Variants in C1orf52 observed in about 807,000 individuals in gnomAD.
C1orf52 encodes the protein UPF0690 protein C1orf52.
Under a neutral mutation model 17.2 loss-of-function variants are expected in C1orf52, and 5 were observed. The ratio of observed to expected loss-of-function variants is 0.29; its 90% confidence interval spans 0.15 to 0.61. The LOEUF is 0.61. Ranked by LOEUF, C1orf52 falls within the 20% of genes least tolerant of loss-of-function variation. The pLI, the probability that C1orf52 is intolerant of heterozygous loss-of-function variation, is 0.85. For synonymous variants in C1orf52, 110 were observed against 88.0 expected, an observed-to-expected ratio of 1.25 and a Z score of -1.40; for missense variants, 245 against 234.1, an observed-to-expected ratio of 1.05 and a Z score of -0.30.
chr1:85,258,776 G>A (rs1285795983), intron 1 of C1orf52, 54 bp from the exon 2 acceptor site: 2 of 1,494,564 alleles, frequency 1.3e-6, no homozygotes, highest in Admixed American at 4.3e-5. Flanking sequence ...TCCTACGATG[G>A]ACGTGGGCAC....
In C1orf52 at chr1:85,256,473, A is replaced by C. The variant is rs551539514; in HGVS notation, c.475+2051T>G. Among the ~76,000 whole-genome samples the C allele has an allele frequency of 3.3e-5, 5 of 152,346 alleles. No individual in the cohort carries two copies. The South Asian group carries it at 8.3e-4, about 25-fold the overall frequency. Reference sequence around the variant, plus strand: ...TCTTATTTCACAAGGTGTTGTAATAAAGATTATTTAAGCAAATATATTTTT... The same window carrying C: ...TCTTATTTCACAAGGTGTTGTAATACAGATTATTTAAGCAAATATATTTTT... On this transcript the variant is annotated intron_variant, in intron 2 of 2. Transcript: ENST00000471115.
chr1:85,258,058 C>T (rs774238569), intron 2 of C1orf52, among the ~76,000 whole-genome samples: 1 of 150,778 alleles, frequency 6.6e-6, no homozygotes, highest in South Asian at 2.1e-4. Flanking sequence ...GGTGGAGGTT[C>T]GCAGTGAGCT....
Position 85,259,586 on chromosome 1 carries a change from C to T in C1orf52, c.48G>A (p.Gly16=), listed in dbSNP as rs1660039276. 1 of 1,597,804 alleles carries T rather than the reference C, an allele frequency of 6.3e-7. No homozygotes were observed. Among genetic ancestry groups the T allele is most frequent in the South Asian group, 1.1e-5 (1 of 88,868 alleles). Residue 16 remains glycine, a synonymous_variant, in exon 1 of 3, where the codon GGG becomes GGA. Transcript: ENST00000471115. The stretch of plus-strand genomic sequence containing the variant: ...CGTCCGAGGAGCCTGAGCTGCTGCT[C>T]CCGTATGCCGCAAAATAGCTCAGAG... ...KDPLSYFAAY[G]SSSSGSSDEE... is the part of the protein sequence containing the mutation.
chr1:85,251,831 G>C lies in C1orf52; in HGVS notation c.*798C>G, dbSNP rs1306387173. On this transcript the variant is annotated 3_prime_UTR_variant, in exon 3 of 3. Transcript: ENST00000471115. ...GGATCTCCAGGTACAACAGAAAAAA[G>C]TACCTGGAAGAGATGACAATTGATG... is the stretch of plus-strand genomic sequence containing the variant. 6.6e-6 allele frequency: 1 copy of C among 152,148 alleles called. No homozygotes were observed. The allele number at this position is 152,148 out of a possible 1,614,324, so 9.4% of individuals were successfully genotyped here.
rs1160548616 is a variant in C1orf52 at position 85,252,011 on chromosome 1, GA to G, written c.*617del. On this transcript the variant is annotated 3_prime_UTR_variant, in exon 3 of 3. Coordinates refer to ENST00000471115, the MANE Select transcript of C1orf52 (RefSeq NM_198077.4). ...TCAAGCACTCTTTATTATAAAATGA[GA>G]ATACTAATAATACCTTGCGCTAGGT... The G allele has an allele frequency of 9.2e-5, 14 of 152,162 alleles. No homozygotes were observed. Among genetic ancestry groups the G allele is most frequent in the African/African-American group, 3.4e-4 (14 of 41,424 alleles). 9.4% of individuals were successfully genotyped at this position (152,162 alleles called of 1,614,324 possible). A position where few individuals can be genotyped will look rare whatever the true frequency, so the allele number is the denominator to read the frequency against.
In C1orf52 at chr1:85,255,411, G is replaced by A. The variant is rs908029150; in HGVS notation, c.476-2709C>T. Among the ~76,000 whole-genome samples the A allele has an allele frequency of 1.4e-4, 22 of 152,180 alleles. No individual in the cohort carries two copies. The Middle Eastern group carries it at 0.01, about 71-fold the overall frequency. On this transcript the variant is annotated intron_variant, in intron 2 of 2. Coordinates refer to ENST00000471115, the MANE Select transcript of C1orf52 (RefSeq NM_198077.4). The stretch of plus-strand genomic sequence containing the variant: ...CTAAAAATACAAAAATTAGCTGGGC[G>A]TGGTGGCGTGTGCCTGTAGTCCCAG...
intron 2 of C1orf52, among the ~76,000 whole-genome samples, chr1:85,253,469 C>T (rs2100731347): frequency 6.6e-6 from 1 of 152,234 alleles, no homozygotes; most frequent in South Asian, 2.1e-4. Flanking sequence ...CCCCAAACCT[C>T]TATTTGGAAT....
At chr1:85,259,229 G>A in intron 1 of C1orf52, 129 bp downstream of exon 1, 4 of 1,258,754 alleles carry the variant, frequency 3.2e-6, no homozygotes, top group East Asian at 2.4e-5. Context: ...TGAGGTGGGA[G>A]GGGGTGGTGC....
At chr1:85,258,108 G>A (rs1224265037) in intron 2 of C1orf52, among the ~76,000 whole-genome samples, 6 of 144,040 alleles carry the variant, frequency 4.2e-5, no homozygotes, top group Non-Finnish European at 7.5e-5. Context: ...CAACAAGAGC[G>A]AAATGCTGTC....
intron 2 of C1orf52, among the ~76,000 whole-genome samples, chr1:85,256,022 T>C (rs1037973515): frequency 1.3e-5 from 2 of 152,352 alleles, no homozygotes; most frequent in South Asian, 2.1e-4. Flanking sequence ...ATCCTGGTTT[T>C]TTCCATATAA....
At chr1:85,257,530 G>C (rs1659973497) in intron 2 of C1orf52, 6 of 703,456 alleles carry the variant, frequency 8.5e-6, no homozygotes, top group South Asian at 6.2e-5. Flanking sequence ...TTAATACAAG[G>C]CCTTGACTTT....
In C1orf52 at chr1:85,259,640, T is replaced by A. The variant is rs1447134381; in HGVS notation, c.-7A>T. On this transcript the variant is annotated 5_prime_UTR_variant, in exon 1 of 3. Transcript: ENST00000471115. The stretch of plus-strand genomic sequence containing the variant: ...CCTTCTCCTCCGCTGCCATGACGGC[T>A]GCGAGCGACAACCCAGCACTCCGCC... 6.5e-7 allele frequency: 1 copy of A among 1,538,964 alleles called. No individual in the cohort carries two copies. The highest frequency in any genetic ancestry group is 8.8e-7 in the Non-Finnish European group (1 of 1,139,794).
At chr1:85,253,680 G>A (rs937891982) in intron 2 of C1orf52, among the ~76,000 whole-genome samples, 1 of 152,090 alleles carries the variant, frequency 6.6e-6, no homozygotes, top group African/African-American at 2.4e-5. Context: ...AATAGTATCT[G>A]TAGCCACAGA....
intron 2 of C1orf52, among the ~76,000 whole-genome samples, chr1:85,253,373 C>T (rs1372302313): frequency 2.0e-5 from 3 of 152,130 alleles, no homozygotes; most frequent in Non-Finnish European, 4.4e-5. Flanking sequence ...TTTCTCTCCT[C>T]CAAAAACAAC....
intron 2 of C1orf52, among the ~76,000 whole-genome samples, chr1:85,256,899 A>G (rs1278794407): frequency 3.3e-5 from 5 of 152,160 alleles, no homozygotes; most frequent in Non-Finnish European, 7.4e-5. Context: ...GATGCTACTT[A>G]CTGAAGATGC....
chr1:85,256,814 AAAAAG>A (rs1553178010), intron 2 of C1orf52, among the ~76,000 whole-genome samples: 1 of 108,180 alleles, frequency 9.2e-6, no homozygotes, highest in Non-Finnish European at 1.8e-5. Context: ...AAAAAAAAAA[AAAAAG>A]AAAAGAAAAC....
In C1orf52 at chr1:85,250,773, C is replaced by G. The variant is rs1659782482; in HGVS notation, c.*1856G>C. Reference sequence around the variant, plus strand: ...AGATTTCTCCAGAGCTTGGGAATCACAACTTCACAAATATAACTTGATTTG... The same window carrying G: ...AGATTTCTCCAGAGCTTGGGAATCAGAACTTCACAAATATAACTTGATTTG... On this transcript the variant is annotated 3_prime_UTR_variant, in exon 3 of 3. Transcript: ENST00000471115. The G allele has an allele frequency of 6.6e-6, 1 of 152,230 alleles. No homozygotes were observed. The highest frequency in any genetic ancestry group is 2.1e-4 in the South Asian group (1 of 4,830). 9.4% of individuals were successfully genotyped at this position (152,230 alleles called of 1,614,324 possible). A position where few individuals can be genotyped will look rare whatever the true frequency, so the allele number is the denominator to read the frequency against.
chr1:85,252,728 A>G (rs771192781), intron 2 of C1orf52, 26 bp from the exon 3 acceptor site: 46 of 1,558,108 alleles, frequency 3.0e-5, no homozygotes, highest in Non-Finnish European at 1.1e-5. Flanking sequence ...GAAGAGTTTC[A>G]ATCAGTAATT....
intron 2 of C1orf52, among the ~76,000 whole-genome samples, chr1:85,255,182 T>G (rs1383928596): frequency 6.6e-6 from 1 of 152,222 alleles, no homozygotes; most frequent in Non-Finnish European, 1.5e-5. Context: ...ATTATGCTTT[T>G]ACAATTAATT....
Sources: gnomAD v4.1 joint callset for allele counts (sites outside exome capture counted in the v4.1 genomes callset) on GRCh38, gnomAD v4.1.1 for gene constraint, MANE v1.5 for transcripts, NCBI Gene and HGNC (gene_info 2026-07-23, HGNC 2026-07-21) for gene names.